The following AGO3 variants were observed in gnomAD, a reference collection of about 807,000 sequenced individuals.
AGO3 encodes argonaute RISC catalytic component 3.
A neutral mutation model predicts 105.5 loss-of-function variants in AGO3; 16 were observed. The ratio of observed to expected loss-of-function variants is 0.15; its 90% CI spans 0.10 to 0.23. The LOEUF (loss-of-function observed/expected upper bound fraction) is 0.23. Among genes scored for constraint, AGO3 ranks in the 10% least tolerant of loss-of-function variants. The pLI, the probability that AGO3 is intolerant of heterozygous loss-of-function variation, is 1.00. For synonymous variants in AGO3, 340 were observed against 367.3 expected, an observed-to-expected ratio of 0.93 and a Z score of 0.85; for missense variants, 534 against 1,088.0, an observed-to-expected ratio of 0.49 and a Z score of 7.16.
At chr1:35,943,896 C>T (rs183583688) in intron 1 of AGO3, among the ~76,000 whole-genome samples, 208 of 152,164 alleles carry the variant, frequency 1.4e-3, no homozygotes, top group African/African-American at 2.9e-3. Context: ...CCACCATGCC[C>T]GGCCTGTCTT....
chr1:36,072,401 T>C lies in AGO3; in HGVS notation c.*16656T>C, dbSNP rs1362475177. On this transcript the variant is annotated 3_prime_UTR_variant, in exon 19 of 19. Coordinates refer to ENST00000373191, the MANE Select transcript of AGO3 (RefSeq NM_024852.4). The stretch of plus-strand genomic sequence containing the variant: ...TCTATGTTGTATTTGTTTTTAATCC[T>C]TGATTTTAAAAATATTAATGGTTTT... The C allele has an allele frequency of 3.9e-5, 6 of 152,228 alleles. No homozygotes were observed. Among genetic ancestry groups the C allele is most frequent in the Non-Finnish European group, 8.8e-5 (6 of 68,036 alleles). The allele number at this position is 152,228 out of a possible 1,614,324, so 9.4% of individuals were successfully genotyped here.
At chr1:36,002,871 A>T (rs568994600) in intron 5 of AGO3, among the ~76,000 whole-genome samples, 98 of 152,130 alleles carry the variant, frequency 6.4e-4, no homozygotes, top group Non-Finnish European at 7.5e-4. Flanking sequence ...GGCATGAGCC[A>T]TCCAGCCTGG....
chr1:36,060,328 G>C lies in AGO3; in HGVS notation c.*4583G>C, dbSNP rs1272197348. The C allele has an allele frequency of 1.3e-5, 2 of 152,242 alleles. No homozygotes were observed. Among genetic ancestry groups the C allele is most frequent in the African/African-American group, 2.4e-5 (1 of 41,460 alleles). The allele number at this position is 152,242 out of a possible 1,614,324, so 9.4% of individuals were successfully genotyped here. A position where few individuals can be genotyped will look rare whatever the true frequency, so the allele number is the denominator to read the frequency against. On this transcript the variant is annotated 3_prime_UTR_variant, in exon 19 of 19. Transcript: ENST00000373191. ...TGTCTAGGGAAATAAAACCTGACTTGCCCTTCAGCAGGAATGACTGGCAGC... is the reference window on the plus strand; with the variant it reads ...TGTCTAGGGAAATAAAACCTGACTTCCCCTTCAGCAGGAATGACTGGCAGC...
At chr1:35,932,054 A>T (rs550091370) in intron 1 of AGO3, among the ~76,000 whole-genome samples, 26 of 151,878 alleles carry the variant, frequency 1.7e-4, no homozygotes, top group Admixed American at 1.7e-3. Flanking sequence ...CTGACAGTAT[A>T]TTTTTTTTCA....
chr1:36,050,231 A>G (rs1012497831), intron 17 of AGO3, among the ~76,000 whole-genome samples: 13 of 152,204 alleles, frequency 8.5e-5, no homozygotes, highest in African/African-American at 2.9e-4. Flanking sequence ...CATGCCTATA[A>G]TCCCAGTACT....
intron 9 of AGO3, among the ~76,000 whole-genome samples, chr1:36,012,870 G>A (rs369519703): frequency 2.0e-5 from 3 of 151,636 alleles, no homozygotes; most frequent in Admixed American, 6.6e-5. Context: ...GGAGTTCAAG[G>A]CCAGCCTGAA....
intron 1 of AGO3, among the ~76,000 whole-genome samples, chr1:35,937,272 G>C (rs917506278): frequency 6.6e-6 from 1 of 151,884 alleles, no homozygotes; most frequent in South Asian, 2.1e-4. Context: ...GCATAGTGGC[G>C]GGTGCCTGTA....
chr1:36,005,562 C>T (rs1333154277), intron 6 of AGO3, among the ~76,000 whole-genome samples: 1 of 152,184 alleles, frequency 6.6e-6, no homozygotes, highest in East Asian at 1.9e-4. Context: ...CTAGCATTGT[C>T]AGGAGGTTAG....
rs1389442451 is a variant in AGO3 at position 36,067,377 on chromosome 1, A to C, written c.*11632A>C. The C allele has an allele frequency of 1.3e-5, 2 of 152,202 alleles. No individual in the cohort carries two copies. The allele number at this position is 152,202 out of a possible 1,614,324, so 9.4% of individuals were successfully genotyped here. ...ATTAAGGTTTTCCAGGAGCTTTCTC[A>C]TTTCTTAGCCCAGGGTCCAACCCCA... On this transcript the variant is annotated 3_prime_UTR_variant, in exon 19 of 19. Transcript: ENST00000373191.
Position 36,056,649 on chromosome 1 carries a change from C to T in AGO3, c.*904C>T, listed in dbSNP as rs1375271994. ...ACTTTCTGTGAGAGTGCGTCTCTCC[C>T]CTCCCACTCAGAACATACATTTACC... is the stretch of plus-strand genomic sequence containing the variant. On this transcript the variant is annotated 3_prime_UTR_variant, in exon 19 of 19. Transcript: ENST00000373191. 1 of 151,858 alleles carries T rather than the reference C, an allele frequency of 6.6e-6. No homozygotes were observed. The highest frequency in any genetic ancestry group is 1.5e-5 in the Non-Finnish European group (1 of 67,920). The allele number at this position is 151,858 out of a possible 1,614,324, so 9.4% of individuals were successfully genotyped here.
At chr1:35,988,043 G>A (rs1302143968) in intron 5 of AGO3, among the ~76,000 whole-genome samples, 3 of 152,022 alleles carry the variant, frequency 2.0e-5, no homozygotes, top group Non-Finnish European at 2.9e-5. Flanking sequence ...ACTCCAGCCT[G>A]GGTGACAGAG....
chr1:35,964,336 C>T (rs1165271773), intron 2 of AGO3, among the ~76,000 whole-genome samples: 2 of 152,114 alleles, frequency 1.3e-5, no homozygotes, highest in African/African-American at 4.8e-5. Context: ...TCCATATGTT[C>T]TCATCATTTA....
At chr1:35,990,531 C>T (rs72661649) in intron 5 of AGO3, among the ~76,000 whole-genome samples, 175 of 152,236 alleles carry the variant, frequency 1.1e-3, no homozygotes, top group Non-Finnish European at 1.5e-3. Flanking sequence ...TTTTTGTTTA[C>T]TGTTACTTTT....
At chr1:35,973,840 A>G (rs1322612112) in intron 5 of AGO3, among the ~76,000 whole-genome samples, 1 of 152,182 alleles carries the variant, frequency 6.6e-6, no homozygotes, top group East Asian at 1.9e-4. Flanking sequence ...TTTAAGAAAG[A>G]TAATTCTGTT....
chr1:35,982,973 T>C (rs1229503178), intron 5 of AGO3: 1 of 218,364 alleles, frequency 4.6e-6, no homozygotes, highest in African/African-American at 2.3e-5. Context: ...GTTTATGCAA[T>C]TGTAGGGGCT....
At chr1:35,966,086 A>G (rs1413756164) in intron 2 of AGO3, among the ~76,000 whole-genome samples, 1 of 152,138 alleles carries the variant, frequency 6.6e-6, no homozygotes, top group African/African-American at 2.4e-5. Context: ...TGGCCTCCCA[A>G]AGTGCTGGGA....
At chr1:36,036,293 C>T (rs1183387731) in intron 14 of AGO3, 26 bp downstream of exon 14, 2 of 1,603,602 alleles carry the variant, frequency 1.2e-6, no homozygotes, top group Non-Finnish European at 1.7e-6. Context: ...GTTTATCTTA[C>T]CTAAGGTTGA....
chr1:35,934,843 G>A (rs1361112527), intron 1 of AGO3, among the ~76,000 whole-genome samples: 1 of 152,016 alleles, frequency 6.6e-6, no homozygotes, highest in Admixed American at 6.5e-5. Context: ...GTAGAGACGG[G>A]GTTTCACCAT....
chr1:35,945,666 C>CTTTTTTTT (rs200388327), intron 1 of AGO3, 26 bp from the exon 2 acceptor site: 3 of 1,585,100 alleles, frequency 1.9e-6, no homozygotes, highest in South Asian at 1.1e-5. Flanking sequence ...AACTGTGACT[C>CTTTTTTTT]TTTTTTTTTC....
Sources: gnomAD v4.1 joint callset for allele counts (sites outside exome capture counted in the v4.1 genomes callset) on GRCh38, gnomAD v4.1.1 for gene constraint, MANE v1.5 for transcripts, NCBI Gene and HGNC (gene_info 2026-07-23, HGNC 2026-07-21) for gene names.